Variants in GMDS observed in about 807,000 individuals in gnomAD.
GMDS encodes GDP-mannose 4,6 dehydratase.
GMDS carries 20 observed loss-of-function variants against 49.9 expected under a neutral mutation model. That is an observed-to-expected ratio of 0.40 (90% confidence interval 0.28 to 0.58). The LOEUF (loss-of-function observed/expected upper bound fraction) is 0.58. Ranked by LOEUF, GMDS falls within the 20% of genes least tolerant of loss-of-function variation. The probability of loss-of-function intolerance (pLI) is 0.42; values close to 1 mark genes in which losing one functional copy is unlikely to be tolerated. For synonymous variants in GMDS, 177 were observed against 178.6 expected (o/e 0.99, Z 0.07); for missense variants, 362 against 481.4 (o/e 0.75, Z 2.32).
At chr6:2,018,324 TTTG>T (rs752611208) in intron 4 of GMDS, among the ~76,000 whole-genome samples, 1 of 152,188 alleles carries the variant, frequency 6.6e-6, no homozygotes, top group Non-Finnish European at 1.5e-5. Flanking sequence ...AGACAGTGGT[TTTG>T]TTGAGATATA....
chr6:2,013,664 G>A (rs1767700575), intron 4 of GMDS, among the ~76,000 whole-genome samples: 1 of 151,826 alleles, frequency 6.6e-6, no homozygotes, highest in African/African-American at 2.4e-5. Flanking sequence ...AGTTCCCCTG[G>A]CATGACCACA....
At chr6:2,002,000 A>C (rs1766847447) in intron 4 of GMDS, among the ~76,000 whole-genome samples, 1 of 152,096 alleles carries the variant, frequency 6.6e-6, no homozygotes, top group Admixed American at 6.6e-5. Flanking sequence ...ATTTTGCTTC[A>C]TCAATTTGCT....
rs917860602 is a variant in GMDS at position 1,959,796 on chromosome 6, C to T, written c.643+71G>A. On this transcript the variant is annotated intron_variant, in intron 6 of 10. Coordinates refer to ENST00000380815, the MANE Select transcript of GMDS (RefSeq NM_001500.4). Reference sequence around the variant, plus strand: ...TTTTTCAGTCTCTGTAGTACATACACCAAATAGACATGCAACTTGTTGTTG... The same window carrying T: ...TTTTTCAGTCTCTGTAGTACATACATCAAATAGACATGCAACTTGTTGTTG... 15 of 876,852 alleles carry T rather than the reference C, an allele frequency of 1.7e-5. No individual in the cohort carries two copies. The African/African-American group carries it at 1.8e-4, about 11-fold the overall frequency. The allele number at this position is 876,852 out of a possible 1,614,324, so 54.3% of individuals were successfully genotyped here.
In GMDS at chr6:1,836,127, A is replaced by G. The variant is rs1756917128; in HGVS notation, c.772-93541T>C. ...CGTGATCCACCCGCCTCAGCCTCCC[A>G]AAGTGCTGGGATTACAGGCCTGAGC... On this transcript the variant is annotated intron_variant, in intron 7 of 10. Transcript: ENST00000380815. This position sits in a 1 kb window ranked among gnomAD's most constrained non-coding sequence, Gnocchi z 4.2. Among the ~76,000 whole-genome samples the G allele has an allele frequency of 6.6e-6, 1 of 152,196 alleles. No homozygotes were observed. Among genetic ancestry groups the G allele is most frequent in the Admixed American group, 6.5e-5 (1 of 15,286 alleles).
At chr6:2,000,006 ATATTTTTT>A (rs1766663925) in intron 4 of GMDS, among the ~76,000 whole-genome samples, 1 of 8,062 alleles carries the variant, frequency 1.2e-4, no homozygotes, top group Non-Finnish European at 3.5e-4. Context: ...TTATATATAT[ATATTTTTT>A]ATATATATAT....
chr6:1,685,637 G>C (rs534257690), intron 9 of GMDS, among the ~76,000 whole-genome samples: 1 of 152,276 alleles, frequency 6.6e-6, no homozygotes, highest in South Asian at 2.1e-4. Flanking sequence ...ACAGGAAATG[G>C]GTGTCCATCC....
At chr6:2,051,714 AT>A (rs2127437444) in intron 4 of GMDS, among the ~76,000 whole-genome samples, 2 of 152,312 alleles carry the variant, frequency 1.3e-5, no homozygotes, top group East Asian at 3.9e-4. Flanking sequence ...GTCTGGTGCC[AT>A]ATACCCTAAT....
chr6:1,786,592 C>T (rs1357733980), intron 7 of GMDS, among the ~76,000 whole-genome samples: 2 of 152,190 alleles, frequency 1.3e-5, no homozygotes, highest in Non-Finnish European at 2.9e-5. Flanking sequence ...TCAGGCACTA[C>T]CTGGAGTGGC....
intron 9 of GMDS, among the ~76,000 whole-genome samples, chr6:1,663,889 C>A (rs1764161537): frequency 6.6e-6 from 1 of 152,054 alleles, no homozygotes; most frequent in Non-Finnish European, 1.5e-5. Flanking sequence ...GTGGTCTGTG[C>A]CCTCCTGTAT....
intron 1 of GMDS, among the ~76,000 whole-genome samples, chr6:2,166,167 A>C (rs538480517): frequency 3.9e-5 from 6 of 152,370 alleles, no homozygotes; most frequent in Non-Finnish European, 8.8e-5. Context: ...CCAGAACTGA[A>C]GACGGTCCCC....
At chr6:1,914,150 T>G (rs1277721825) in intron 7 of GMDS, among the ~76,000 whole-genome samples, 22 of 147,666 alleles carry the variant, frequency 1.5e-4, no homozygotes, top group African/African-American at 5.2e-4. Context: ...TTTTTTTTTT[T>G]TTTTTTTAAT....
chr6:2,100,167 C>A (rs368767206), intron 4 of GMDS, among the ~76,000 whole-genome samples: 15 of 152,062 alleles, frequency 9.9e-5, no homozygotes, highest in African/African-American at 3.6e-4. Context: ...AGAAAAAGTA[C>A]CCTGTGCTAG....
intron 10 of GMDS, 24 bp from the exon 11 acceptor site, chr6:1,624,255 G>A: frequency 1.2e-6 from 2 of 1,607,056 alleles, no homozygotes; most frequent in Non-Finnish European, 8.5e-7. Context: ...GTGGGCGTGA[G>A]GGAGGAGCTT....
At chr6:1,906,868 A>T (rs942176007) in intron 7 of GMDS, among the ~76,000 whole-genome samples, 1 of 152,184 alleles carries the variant, frequency 6.6e-6, no homozygotes, top group Non-Finnish European at 1.5e-5. Flanking sequence ...TTCACCAGCC[A>T]TTCATTCCCT....
intron 9 of GMDS, among the ~76,000 whole-genome samples, chr6:1,681,123 C>T (rs895810527): frequency 6.6e-5 from 10 of 152,114 alleles, no homozygotes; most frequent in African/African-American, 2.4e-4. Flanking sequence ...TACAAATACA[C>T]ACACTTACAG....
intron 1 of GMDS, among the ~76,000 whole-genome samples, chr6:2,200,909 A>G (rs1175012133): frequency 7.0e-6 from 1 of 142,964 alleles, no homozygotes; most frequent in Non-Finnish European, 1.5e-5. Context: ...CCGAAATGTA[A>G]CCATCTAGGC....
intron 4 of GMDS, among the ~76,000 whole-genome samples, chr6:1,995,324 G>A (rs762759723): frequency 6.6e-6 from 1 of 152,178 alleles, no homozygotes; most frequent in Admixed American, 6.5e-5. Context: ...GCTAGCTACA[G>A]CTCTGACTGG....
chr6:1,849,547 G>A (rs534324446), intron 7 of GMDS, among the ~76,000 whole-genome samples: 1 of 152,086 alleles, frequency 6.6e-6, no homozygotes, highest in African/African-American at 2.4e-5. Flanking sequence ...GCTAATAAAC[G>A]CAAAAATGTG....
In GMDS at chr6:2,208,263, T is replaced by C. The variant is rs190738530; in HGVS notation, c.102+37058A>G. ...ACCCAAAACTGCTGCTGGAGCAGTTTAGATTAGAAAAGATTTATCCATCAT... is the reference window on the plus strand; with the variant it reads ...ACCCAAAACTGCTGCTGGAGCAGTTCAGATTAGAAAAGATTTATCCATCAT... On this transcript the variant is annotated intron_variant, in intron 1 of 10. Coordinates refer to ENST00000380815, the MANE Select transcript of GMDS (RefSeq NM_001500.4). Among the ~76,000 whole-genome samples, 41 of 152,312 alleles carry C rather than the reference T, an allele frequency of 2.7e-4. 1 individual carries two copies. Among genetic ancestry groups the C allele is most frequent in the Admixed American group, 2.0e-3 (31 of 15,300 alleles).
Sources: allele counts gnomAD v4.1 joint callset (sites outside exome capture counted in the v4.1 genomes callset), GRCh38; gene constraint gnomAD v4.1.1; non-coding constraint Gnocchi (gnomAD v3.1); transcripts MANE v1.5; gene names NCBI Gene and HGNC (gene_info 2026-07-23, HGNC 2026-07-21).